The following MRPS35 variants were observed in gnomAD, a reference collection of about 807,000 sequenced individuals.
MRPS35 encodes small ribosomal subunit protein mS35.
In MRPS35, 29 loss-of-function variants were observed where a neutral mutation model predicts 32.7. That is an observed-to-expected ratio of 0.89 (90% CI 0.66 to 1.21). The LOEUF (loss-of-function observed/expected upper bound fraction) is 1.21, where lower values mean the gene tolerates loss of function less well. Among genes scored for constraint, MRPS35 ranks in the 50% most tolerant of loss-of-function variants. The pLI, the probability that MRPS35 is intolerant of heterozygous loss-of-function variation, is 0.00. For missense variants in MRPS35, 373 were observed against 383.8 expected (o/e 0.97, Z 0.23); for synonymous variants, 148 against 139.3 (o/e 1.06, Z -0.44).
chr12:27,740,442 A>AT (rs995452397), intron 7 of MRPS35, among the ~76,000 whole-genome samples: 8 of 151,550 alleles, frequency 5.3e-5, no homozygotes, highest in South Asian at 2.1e-4. Flanking sequence ...TAATTTTTGC[A>AT]TTTTTTTTGT....
chr12:27,719,857 A>G lies in MRPS35; in HGVS notation c.371A>G (p.Glu124Gly). ...LTPVAIKKHC[E>G]ALKDFCTEWP... ...CCTGTAGCAATTAAAAAGCACTGTG[A>G]AGCCCTTAAAGGTAAGTGGTTATTT... The change falls in exon 4 of 8, where the codon GAA becomes GGA. Residue 124 changes from glutamate to glycine, a missense_variant. Glu to Gly is a moderately conservative substitution (Grantham distance 98). Transcript: ENST00000081029. The G allele has an allele frequency of 6.2e-7, 1 of 1,605,518 alleles. No individual in the cohort carries two copies. The highest frequency in any genetic ancestry group is 8.5e-7 in the Non-Finnish European group (1 of 1,173,340).
chr12:27,739,505 C>T (rs759549685), intron 7 of MRPS35, among the ~76,000 whole-genome samples: 1 of 152,138 alleles, frequency 6.6e-6, no homozygotes, highest in South Asian at 2.1e-4. Context: ...GAGTAAAAGA[C>T]AAAAAGTAGC....
At chr12:27,733,722 G>T (rs1471614570) in intron 5 of MRPS35, among the ~76,000 whole-genome samples, 2 of 152,114 alleles carry the variant, frequency 1.3e-5, no homozygotes, top group Non-Finnish European at 2.9e-5. Context: ...TCAGTAACCT[G>T]GTAGTTGATA....
chr12:27,713,110 C>T (rs74718970), intron 1 of MRPS35, among the ~76,000 whole-genome samples: 1 of 152,224 alleles, frequency 6.6e-6, no homozygotes, highest in Admixed American at 6.5e-5. Context: ...CTGTTCTGTT[C>T]TTAAATTTCA....
chr12:27,743,360 T>C (rs993406220), intron 7 of MRPS35, among the ~76,000 whole-genome samples: 3 of 151,840 alleles, frequency 2.0e-5, no homozygotes, highest in Non-Finnish European at 1.5e-5. Context: ...AAACCCCATC[T>C]CTACTACAAA....
chr12:27,737,700 G>A lies in MRPS35; in HGVS notation c.702+92G>A, dbSNP rs2061948133. The A allele has an allele frequency of 1.5e-5, 15 of 1,013,330 alleles. 1 individual carries two copies. The East Asian group carries it at 3.2e-4, about 21-fold the overall frequency. The allele number at this position is 1,013,330 out of a possible 1,614,324, so 62.8% of individuals were successfully genotyped here. A position where few individuals can be genotyped will look rare whatever the true frequency, so the allele number is the denominator to read the frequency against. ...CTCTTTGTGGCAAGTACTCAACTGA[G>A]TATTTTGTGAACTGCTGAATAATCT... On this transcript the variant is annotated intron_variant, in intron 7 of 7. Transcript: ENST00000081029.
chr12:27,730,686 G>C (rs955432071), intron 5 of MRPS35, among the ~76,000 whole-genome samples: 42 of 152,122 alleles, frequency 2.8e-4, no homozygotes, highest in South Asian at 2.1e-4. Flanking sequence ...GCCAGGGCTG[G>C]TCTGGAACTC....
intron 4 of MRPS35, among the ~76,000 whole-genome samples, chr12:27,720,861 A>G (rs1422537824): frequency 6.7e-6 from 1 of 150,068 alleles, no homozygotes; most frequent in African/African-American, 2.5e-5. Flanking sequence ...GGCAAATAAC[A>G]TTTTTTAACT....
At chr12:27,720,985 TATACTC>T (rs1245744574) in intron 4 of MRPS35, among the ~76,000 whole-genome samples, 1 of 152,212 alleles carries the variant, frequency 6.6e-6, no homozygotes, top group Non-Finnish European at 1.5e-5. Context: ...AAAGTCTTAA[TATACTC>T]ATGCTGATTT....
rs1387615198 is a variant in MRPS35, at chr12:27,735,525, A to T, written c.601A>T (p.Thr201Ser). The T allele has an allele frequency of 6.2e-7, 1 of 1,612,320 alleles. No homozygotes were observed. The highest frequency in any genetic ancestry group is 8.5e-7 in the Non-Finnish European group (1 of 1,179,348). The change falls in exon 6 of 8, where the codon ACC (threonine) becomes TCC (serine). Residue 201 changes from threonine to serine, a missense_variant. Thr to Ser is a moderately conservative substitution (Grantham distance 58). Transcript: ENST00000081029. ...IKLVGERYCKTTDVLTIKTDR... is the reference protein window; with the variant it reads ...IKLVGERYCKSTDVLTIKTDR... ...ACTTGTAGGAGAGCGATACTGCAAG[A>T]CCACAGATGTGCTTACCATCAAAAC...
chr12:27,730,910 C>T (rs2061919940), intron 5 of MRPS35, among the ~76,000 whole-genome samples: 1 of 152,196 alleles, frequency 6.6e-6, no homozygotes, highest in South Asian at 2.1e-4. Context: ...AGAGCCCACA[C>T]TTAAGGATCA....
chr12:27,751,526 C>T (rs76375147), intron 7 of MRPS35, among the ~76,000 whole-genome samples: 1,560 of 152,258 alleles, frequency 0.01, 24 homozygotes, highest in African/African-American at 0.035. Context: ...TTTATCTCGG[C>T]GGTTTGCTCC....
rs1340353671 is a variant in MRPS35, at chr12:27,724,145, C to G, written c.481C>G (p.Pro161Ala). The G allele has an allele frequency of 1.9e-6, 3 of 1,609,716 alleles. No homozygotes were observed. The South Asian group carries it at 3.3e-5, about 18-fold the overall frequency. Residue 161 changes from proline to alanine, a missense_variant, in exon 5 of 8, where the codon CCA becomes GCA. Transcript: ENST00000081029. ...CAGCACTGATTATGTTTCATCAGGA[C>G]CATCTGTTCGGAACCCCAGAGCACG... ...IDSTDYVSSG[P>A]SVRNPRARVV...
intron 5 of MRPS35, among the ~76,000 whole-genome samples, chr12:27,729,124 T>A (rs1238526419): frequency 6.6e-6 from 1 of 152,168 alleles, no homozygotes. Flanking sequence ...ATATCTATCT[T>A]ACCTTTGGCC....
intron 5 of MRPS35, among the ~76,000 whole-genome samples, chr12:27,725,884 C>G (rs1593467633): frequency 7.0e-6 from 1 of 142,268 alleles, no homozygotes; most frequent in South Asian, 2.2e-4. Flanking sequence ...TGGCTCACTG[C>G]AGTCTCTTCC....
At chr12:27,740,569 T>TTCCC (rs1257590147) in intron 7 of MRPS35, among the ~76,000 whole-genome samples, 1 of 152,158 alleles carries the variant, frequency 6.6e-6, no homozygotes, top group East Asian at 1.9e-4. Context: ...GTGCCCTGCC[T>TTCCC]TCCCTTGGCT....
intron 7 of MRPS35, among the ~76,000 whole-genome samples, chr12:27,749,035 A>G (rs903033897): frequency 6.6e-5 from 10 of 152,232 alleles, no homozygotes; most frequent in Admixed American, 3.9e-4. Flanking sequence ...ACAAAATTGT[A>G]AATAAAATGT....
At chr12:27,749,444 GAAAT>G (rs1287550454) in intron 7 of MRPS35, among the ~76,000 whole-genome samples, 2 of 152,130 alleles carry the variant, frequency 1.3e-5, no homozygotes, top group African/African-American at 2.4e-5. Flanking sequence ...CAGTGACAAA[GAAAT>G]AAAGACCTCT....
intron 3 of MRPS35, among the ~76,000 whole-genome samples, chr12:27,719,066 G>A (rs1283954465): frequency 6.6e-6 from 1 of 152,120 alleles, no homozygotes; most frequent in African/African-American, 2.4e-5. Flanking sequence ...CAGCCTGGGT[G>A]ACAGAGCGAG....
Sources: allele counts gnomAD v4.1 joint callset (sites outside exome capture counted in the v4.1 genomes callset), GRCh38; gene constraint gnomAD v4.1.1; transcripts MANE v1.5; gene names NCBI Gene and HGNC (gene_info 2026-07-23, HGNC 2026-07-21).